The following ATG7 variants were observed in gnomAD, a reference collection of about 807,000 sequenced individuals.
ATG7 encodes autophagy related 7.
Under a neutral mutation model 82.4 loss-of-function variants are expected in ATG7, and 70 were observed. That is an observed-to-expected ratio of 0.85 (90% confidence interval 0.70 to 1.04). The LOEUF is 1.04. Ranked by LOEUF, ATG7 falls within the 50% of genes least tolerant of loss-of-function variation. The pLI is 0.00. For missense variants in ATG7, 792 were observed against 864.3 expected (o/e 0.92, Z 1.05); for synonymous variants, 287 against 313.0 (o/e 0.92, Z 0.88).
intron 20 of ATG7, among the ~76,000 whole-genome samples, chr3:11,529,920 CCATCTG>C (rs2092661749): frequency 6.6e-6 from 1 of 152,170 alleles, no homozygotes; most frequent in African/African-American, 2.4e-5. Flanking sequence ...CTAGCATGAC[CCATCTG>C]CACCACCATC....
At chr3:11,351,541 C>T (rs1026425977) in intron 14 of ATG7, among the ~76,000 whole-genome samples, 22 of 152,154 alleles carry the variant, frequency 1.4e-4, no homozygotes, top group Admixed American at 9.2e-4. Context: ...GAGCAAGGGA[C>T]GCCATGCTGG....
chr3:11,302,470 T>C (rs1286520488), intron 5 of ATG7, among the ~76,000 whole-genome samples: 1 of 152,204 alleles, frequency 6.6e-6, no homozygotes, highest in Non-Finnish European at 1.5e-5. Context: ...ATGAATTTAT[T>C]TATCAAAGAA....
chr3:11,400,405 CA>C (rs2079721914), intron 19 of ATG7, among the ~76,000 whole-genome samples: 1 of 152,136 alleles, frequency 6.6e-6, no homozygotes, highest in African/African-American at 2.4e-5. Context: ...TTGAAGACAA[CA>C]GAAAATAAAT....
chr3:11,357,806 T>A (rs148114699), intron 14 of ATG7, among the ~76,000 whole-genome samples: 8 of 152,018 alleles, frequency 5.3e-5, no homozygotes, highest in Non-Finnish European at 1.0e-4. Flanking sequence ...GCCAAGGAGT[T>A]CGAGAGCAGC....
rs981411540 is a variant in ATG7, at chr3:11,315,486, G to C, written c.671G>C (p.Arg224Thr). The change falls in exon 9 of 21, where the codon AGG becomes ACG. Residue 224 changes from arginine (R) to threonine (T), a missense_variant. By Grantham distance (71) the Arg-to-Thr change is moderately conservative. Coordinates refer to ENST00000693202, the MANE Select transcript of ATG7 (RefSeq NM_001349232.2). ...KHYSDFFQGQ[R>T]TKITIGVYDP... ...TACAGTGATTTCTTCCAAGGTCAAA[G>C]GACGAAGGTCAGATAAACTTTGAGT... The C allele has an allele frequency of 6.3e-7, 1 of 1,589,944 alleles. No homozygotes were observed. Among genetic ancestry groups the C allele is most frequent in the African/African-American group, 1.4e-5 (1 of 73,662 alleles).
chr3:11,479,635 T>A (rs568563224), intron 20 of ATG7, among the ~76,000 whole-genome samples: 65 of 152,190 alleles, frequency 4.3e-4, no homozygotes, highest in African/African-American at 1.5e-3. Context: ...AGCTATTGGA[T>A]AGCAATTGTC....
intron 20 of ATG7, among the ~76,000 whole-genome samples, chr3:11,429,948 GAAA>G (rs542247546): frequency 1.6e-5 from 2 of 126,178 alleles, no homozygotes; most frequent in Non-Finnish European, 3.2e-5. Context: ...TCTGTCTCAG[GAAA>G]AAAAAAAAAA....
rs541144629 is a variant in ATG7 at position 11,420,288 on chromosome 3, G to T, written c.1957-6516G>T. On this transcript the variant is annotated intron_variant, in intron 19 of 20. Coordinates refer to ENST00000693202, the MANE Select transcript of ATG7 (RefSeq NM_001349232.2). Reference sequence around the variant, plus strand: ...AGTTTTTCCACATATTTTTAAGCCAGTGCTATTAATAATGTTCCAGCATTA... The same window carrying T: ...AGTTTTTCCACATATTTTTAAGCCATTGCTATTAATAATGTTCCAGCATTA... Among the ~76,000 whole-genome samples, 12 of 152,258 alleles carry T rather than the reference G, an allele frequency of 7.9e-5. No individual in the cohort carries two copies. The East Asian group carries it at 2.1e-3, about 27-fold the overall frequency.
chr3:11,357,749 G>A (rs2076023400), intron 14 of ATG7, among the ~76,000 whole-genome samples: 1 of 152,092 alleles, frequency 6.6e-6, no homozygotes, highest in African/African-American at 2.4e-5. Context: ...GGTGGCTCAT[G>A]CCTGTAATTC....
intron 19 of ATG7, among the ~76,000 whole-genome samples, chr3:11,421,748 G>A (rs1489877717): frequency 6.6e-6 from 1 of 152,170 alleles, no homozygotes; most frequent in Admixed American, 6.6e-5. Context: ...AAATCACCCT[G>A]TATGGCAGCT....
intron 20 of ATG7, among the ~76,000 whole-genome samples, chr3:11,453,203 C>T (rs780392590): frequency 1.6e-4 from 24 of 152,258 alleles, no homozygotes; most frequent in African/African-American, 5.5e-4. Flanking sequence ...GGAGAACAGA[C>T]GGGGGGCGTG....
At chr3:11,415,958 ATGT>A (rs1222110931) in intron 19 of ATG7, among the ~76,000 whole-genome samples, 1 of 152,184 alleles carries the variant, frequency 6.6e-6, no homozygotes, top group East Asian at 1.9e-4. Context: ...CATGGAAGTA[ATGT>A]TGTTGCACTA....
At position 11,550,274 on chromosome 3, in the gene ATG7, TTTA is replaced by T. The variant is rs530083976; in HGVS notation, c.2080-4532_2080-4530del. ...TGTCTTAAGAAACCTTTGCATTTCC[TTTA>T]TTATGAGTAGGGCTGTGCATCTTTT... On this transcript the variant is annotated intron_variant, in intron 20 of 20. Transcript: ENST00000693202. Among the ~76,000 whole-genome samples the T allele has an allele frequency of 1.8e-4, 28 of 152,314 alleles. No individual in the cohort carries two copies. In the East Asian group the frequency reaches 4.6e-3, roughly 25 times the overall value.
chr3:11,534,093 A>G (rs2092744172), intron 20 of ATG7, among the ~76,000 whole-genome samples: 1 of 152,242 alleles, frequency 6.6e-6, no homozygotes, highest in Non-Finnish European at 1.5e-5. Context: ...CCCAGGGGAA[A>G]GCTGCCAGCC....
At chr3:11,299,017 T>A in intron 4 of ATG7, 162 bp downstream of exon 4, 1 of 777,090 alleles carries the variant, frequency 1.3e-6, no homozygotes, top group Non-Finnish European at 2.0e-6. Context: ...CAGTTCATTT[T>A]CATTTATTTT....
intron 20 of ATG7, chr3:11,446,792 G>T: frequency 5.2e-6 from 1 of 192,090 alleles, no homozygotes; most frequent in Non-Finnish European, 1.1e-5. Flanking sequence ...TATGCTCCAG[G>T]GGGAGGTGGT....
At position 11,315,546 on chromosome 3, in the gene ATG7, A is replaced by G. The variant is rs887705001; in HGVS notation, c.678+53A>G. The stretch of plus-strand genomic sequence containing the variant: ...TTATATAGTTTTTTAAAAAATCTGA[A>G]GTTCATGTTACAAGAGACCACTGCA... On this transcript the variant is annotated intron_variant, in intron 9 of 20. Transcript: ENST00000693202. The G allele has an allele frequency of 1.5e-5, 21 of 1,439,636 alleles. No individual in the cohort carries two copies. The East Asian group carries it at 4.7e-4, about 33-fold the overall frequency. 89.2% of individuals were successfully genotyped at this position (1,439,636 alleles called of 1,614,324 possible).
chr3:11,433,565 G>C (rs1480026758), intron 20 of ATG7, among the ~76,000 whole-genome samples: 1 of 152,138 alleles, frequency 6.6e-6, no homozygotes, highest in Non-Finnish European at 1.5e-5. Context: ...AATAGAACAA[G>C]CTATATTGGT....
chr3:11,489,018 G>A (rs1451436172), intron 20 of ATG7, among the ~76,000 whole-genome samples: 1 of 152,018 alleles, frequency 6.6e-6, no homozygotes, highest in Non-Finnish European at 1.5e-5. Flanking sequence ...ATTCGGCTGT[G>A]AATCCATCTG....
Sources: gnomAD v4.1 joint callset for allele counts (sites outside exome capture counted in the v4.1 genomes callset) on GRCh38, gnomAD v4.1.1 for gene constraint, MANE v1.5 for transcripts, NCBI Gene and HGNC (gene_info 2026-07-23, HGNC 2026-07-21) for gene names.